PPM1G: variants seen among roughly 807,000 people sequenced by gnomAD.
PPM1G encodes protein phosphatase 1G.
In PPM1G, 12 loss-of-function variants were observed where a neutral mutation model predicts 59.4. The ratio of observed to expected loss-of-function variants is 0.20; its 90% CI spans 0.13 to 0.33. The LOEUF (loss-of-function observed/expected upper bound fraction) is 0.33. Among genes scored for constraint, PPM1G ranks in the 10% least tolerant of loss-of-function variants. The pLI is 1.00. For synonymous variants in PPM1G, 245 were observed against 251.9 expected, an observed-to-expected ratio of 0.97 and a Z score of 0.26; for missense variants, 392 against 681.3, an observed-to-expected ratio of 0.58 and a Z score of 4.73.
At chr2:27,398,314 G>C (rs1190768879) in intron 1 of PPM1G, among the ~76,000 whole-genome samples, 3 of 152,122 alleles carry the variant, frequency 2.0e-5, no homozygotes, top group African/African-American at 4.8e-5. Flanking sequence ...ACACACAAAA[G>C]AATGAAGTTG....
chr2:27,384,592 AAG>A lies in PPM1G; in HGVS notation c.825+79_825+80del. On this transcript the variant is annotated intron_variant, in intron 5 of 9. Transcript: ENST00000344034. The surrounding 1 kb of genome is among the most constrained non-coding windows in gnomAD (Gnocchi z 4.8). Reference sequence around the variant, plus strand: ...GGATGATGTCAAAATAGGAGAAGGAAAGAGAGTTGAAAACTACAGACGGCAAC... The same window carrying A: ...GGATGATGTCAAAATAGGAGAAGGAAAGAGTTGAAAACTACAGACGGCAAC... The A allele has an allele frequency of 2.0e-6, 3 of 1,469,320 alleles. No homozygotes were observed. The highest frequency in any genetic ancestry group is 2.7e-6 in the Non-Finnish European group (3 of 1,093,122). 91.0% of individuals were successfully genotyped at this position (1,469,320 alleles called of 1,614,324 possible).
At chr2:27,386,102 G>A (rs1683758100) in intron 3 of PPM1G, 92 bp downstream of exon 3, 1 of 1,309,906 alleles carries the variant, frequency 7.6e-7, no homozygotes, top group Non-Finnish European at 1.1e-6. Flanking sequence ...AGCAGCAGCA[G>A]CTAGAGGACA....
chr2:27,403,215 G>C (rs559192923), intron 1 of PPM1G, among the ~76,000 whole-genome samples: 1 of 152,034 alleles, frequency 6.6e-6, no homozygotes, highest in African/African-American at 2.4e-5. Flanking sequence ...AGGCTGAGGC[G>C]GGCAGATCAC....
intron 1 of PPM1G, among the ~76,000 whole-genome samples, chr2:27,387,783 GCTTT>G: frequency 6.6e-6 from 1 of 152,146 alleles, no homozygotes; most frequent in East Asian, 1.9e-4. Context: ...GCTGTACACA[GCTTT>G]ATTTATTTAT....
chr2:27,381,836 A>G lies in PPM1G; in HGVS notation c.1435-31T>C, dbSNP rs759954563. On this transcript the variant is annotated intron_variant, in intron 9 of 9. Transcript: ENST00000344034. Reference sequence around the variant, plus strand: ...AAAGGGATGGGGGTAGCTCAGCCACAGGGTTTGAACACCTTGCCAGGAATC... The same window carrying G: ...AAAGGGATGGGGGTAGCTCAGCCACGGGGTTTGAACACCTTGCCAGGAATC... The G allele has an allele frequency of 1.9e-5, 30 of 1,605,688 alleles. No homozygotes were observed. The South Asian group carries it at 3.2e-4, about 17-fold the overall frequency.
intron 1 of PPM1G, among the ~76,000 whole-genome samples, chr2:27,387,982 TAG>T (rs1275359551): frequency 1.3e-5 from 2 of 151,864 alleles, no homozygotes. Context: ...GTATTTTTAG[TAG>T]AGACGGGGTT....
chr2:27,384,933 C>T lies in PPM1G; in HGVS notation c.565G>A (p.Glu189Lys), dbSNP rs769598071. ...EEPGSQGLNG[E>K]AGPEDSTRET... ...CTAGTTGAGTCCTCAGGTCCTGCCT[C>T]CCCATTGAGGCCCTGGGACCCTGGT... Residue 189 changes from glutamate to lysine, a missense_variant, in exon 5 of 10, where the codon GAG becomes AAG. Glu to Lys is a moderately conservative substitution (Grantham distance 56, BLOSUM62 1). Coordinates refer to ENST00000344034, the MANE Select transcript of PPM1G (RefSeq NM_177983.3). The surrounding 1 kb of genome is among the most constrained non-coding windows in gnomAD (Gnocchi z 4.8). 6.8e-6 allele frequency: 11 copies of T among 1,614,074 alleles called. No homozygotes were observed. The highest frequency in any genetic ancestry group is 9.3e-6 in the Non-Finnish European group (11 of 1,180,036).
rs887756659 is a variant in PPM1G, at chr2:27,409,206, T to C, written c.120+97A>G. On this transcript the variant is annotated intron_variant, in intron 1 of 9. Coordinates refer to ENST00000344034, the MANE Select transcript of PPM1G (RefSeq NM_177983.3). ...GGCCGCTGCGGCCGCAGGCTCCCAA[T>C]TGGGACCCTTCCCAGGGGAGGACCC... The C allele has an allele frequency of 7.0e-5, 101 of 1,438,576 alleles. No individual in the cohort carries two copies. In the East Asian group the frequency reaches 1.8e-3, roughly 25 times the overall value. 89.1% of individuals were successfully genotyped at this position (1,438,576 alleles called of 1,614,324 possible).
chr2:27,381,758 C>T lies in PPM1G; in HGVS notation c.1482G>A (p.Gly494=), dbSNP rs775553914. The T allele has an allele frequency of 2.5e-6, 4 of 1,613,556 alleles. No homozygotes were observed. Among genetic ancestry groups the T allele is most frequent in the Non-Finnish European group, 2.5e-6 (3 of 1,180,026 alleles). Residue 494 remains glycine (G), a synonymous_variant, in exon 10 of 10, where the codon GGG becomes GGA. Transcript: ENST00000344034. ...TGATGATGCAGGTCATGTTGTCACA[C>T]CCTGTACCATCCCCAGAAGTGTCTG... ...LAPDTSGDGT[G]CDNMTCIIIC...
chr2:27,402,760 C>G (rs1279822886), intron 1 of PPM1G, among the ~76,000 whole-genome samples: 1 of 151,124 alleles, frequency 6.6e-6, no homozygotes, highest in Non-Finnish European at 1.5e-5. Context: ...GTAGCTGAGA[C>G]CGCGCAACTG....
intron 1 of PPM1G, among the ~76,000 whole-genome samples, chr2:27,388,439 G>A (rs1044400571): frequency 2.0e-5 from 3 of 151,904 alleles, no homozygotes; most frequent in Non-Finnish European, 2.9e-5. Context: ...ATAAAAAACA[G>A]TTGTAACCAT....
chr2:27,383,518 C>T lies in PPM1G; in HGVS notation c.1049G>A (p.Arg350His). 1 of 1,614,100 alleles carries T rather than the reference C, an allele frequency of 6.2e-7. No individual in the cohort carries two copies. The highest frequency in any genetic ancestry group is 8.5e-7 in the Non-Finnish European group (1 of 1,180,016). Residue 350 changes from arginine to histidine, a missense_variant, in exon 7 of 10, where the codon CGC becomes CAC. Around this residue, in one of 6 missense-constraint regions of PPM1G, gnomAD observed 53 missense variants for 175.4 expected, o/e 0.30. Transcript: ENST00000344034. This position sits in a 1 kb window ranked among gnomAD's most constrained non-coding sequence, Gnocchi z 5.0. ...TTTGCCAGCCTCAGATACCACACAG[C>T]GAGAGTCTCCTGCGTTGGCTACAAT... ...QLIVANAGDSRCVVSEAGKAL... is the reference protein window; with the variant it reads ...QLIVANAGDSHCVVSEAGKAL...
chr2:27,382,300 G>T lies in PPM1G; in HGVS notation c.1332-72C>A, dbSNP rs1447856227. On this transcript the variant is annotated intron_variant, in intron 8 of 9. Transcript: ENST00000344034. The surrounding 1 kb of genome is among the most constrained non-coding windows in gnomAD (Gnocchi z 4.2). ...GCGTAGAGGAGTATGGACAGAGGTG[G>T]TGGCCCAGGCCAGTGTAAATAACTA... 3.2e-6 allele frequency: 5 copies of T among 1,567,530 alleles called. No individual in the cohort carries two copies. Among genetic ancestry groups the T allele is most frequent in the Non-Finnish European group, 4.4e-6 (5 of 1,138,736 alleles).
intron 1 of PPM1G, chr2:27,392,725 T>TGC: frequency 1.0e-6 from 1 of 991,540 alleles, no homozygotes; most frequent in Non-Finnish European, 1.6e-6. Context: ...CCAACATACA[T>TGC]GCGCTGCCTT....
chr2:27,385,220 A>G lies in PPM1G; in HGVS notation c.410-132T>C, dbSNP rs928588534. The G allele has an allele frequency of 3.9e-6, 4 of 1,033,846 alleles. No homozygotes were observed. The highest frequency in any genetic ancestry group is 4.1e-6 in the Non-Finnish European group (3 of 734,408). 64.0% of individuals were successfully genotyped at this position (1,033,846 alleles called of 1,614,324 possible). ...CCACTCCCAAGGTTCCTCTCGCTCA[A>G]GTCTCAGAAGAACATGCCCTAGCTC... On this transcript the variant is annotated intron_variant, in intron 4 of 9. Coordinates refer to ENST00000344034, the MANE Select transcript of PPM1G (RefSeq NM_177983.3). This position sits in a 1 kb window ranked among gnomAD's most constrained non-coding sequence, Gnocchi z 4.1.
intron 1 of PPM1G, among the ~76,000 whole-genome samples, chr2:27,398,853 A>G (rs997055324): frequency 2.6e-5 from 4 of 151,918 alleles, no homozygotes; most frequent in Non-Finnish European, 5.9e-5. Context: ...AAAGAAAGCC[A>G]GCAAAAAGAA....
intron 1 of PPM1G, among the ~76,000 whole-genome samples, chr2:27,404,949 A>G (rs867063241): frequency 6.8e-5 from 10 of 147,554 alleles, no homozygotes; most frequent in Admixed American, 1.4e-4. Flanking sequence ...GTCTCGGAGA[A>G]AAAAAAAAAA....
chr2:27,396,117 C>T (rs1024714104), intron 1 of PPM1G, among the ~76,000 whole-genome samples: 1 of 151,910 alleles, frequency 6.6e-6, no homozygotes, highest in Non-Finnish European at 1.5e-5. Flanking sequence ...CCTAAAAATA[C>T]AAAAATTAGC....
intron 1 of PPM1G, among the ~76,000 whole-genome samples, chr2:27,393,592 A>G (rs2148422919): frequency 6.6e-6 from 1 of 152,002 alleles, no homozygotes; most frequent in Admixed American, 6.6e-5. Flanking sequence ...TTTAATTATC[A>G]TATTTTTTTC....
Sources: allele counts gnomAD v4.1 joint callset (sites outside exome capture counted in the v4.1 genomes callset), GRCh38; gene constraint gnomAD v4.1.1; regional missense constraint gnomAD v4.1.1; non-coding constraint Gnocchi (gnomAD v3.1); transcripts MANE v1.5; gene names NCBI Gene and HGNC (gene_info 2026-07-23, HGNC 2026-07-21).